PLCB1: variants seen among roughly 807,000 people sequenced by gnomAD.
PLCB1 encodes 1-phosphatidylinositol 4,5-bisphosphate phosphodiesterase beta-1.
PLCB1 carries 46 observed loss-of-function variants against 161.8 expected under a neutral mutation model. The observed-to-expected ratio is 0.28, with a 90% CI of 0.22 to 0.36. The LOEUF (loss-of-function observed/expected upper bound fraction) is 0.36. Ranked by LOEUF, PLCB1 falls within the 10% of genes least tolerant of loss-of-function variation. The pLI is 1.00. For synonymous variants in PLCB1, 517 were observed against 503.7 expected (o/e 1.03, Z -0.35); for missense variants, 1,016 against 1,472.5 (o/e 0.69, Z 5.07).
At chr20:8,747,492 T>C (rs1270731146) in intron 23 of PLCB1, among the ~76,000 whole-genome samples, 4 of 152,208 alleles carry the variant, frequency 2.6e-5, no homozygotes, top group African/African-American at 7.2e-5. Context: ...TCGTGTAATA[T>C]TGATGTTGAA....
intron 11 of PLCB1, among the ~76,000 whole-genome samples, chr20:8,705,668 G>A (rs527515581): frequency 6.6e-6 from 1 of 152,324 alleles, no homozygotes; most frequent in African/African-American, 2.4e-5. Flanking sequence ...ATGCTTTAAT[G>A]TGAGTATTTT....
intron 3 of PLCB1, among the ~76,000 whole-genome samples, chr20:8,417,364 C>A (rs1024094886): frequency 6.6e-6 from 1 of 151,246 alleles, no homozygotes; most frequent in Non-Finnish European, 1.5e-5. Context: ...CATACGCACC[C>A]ACATTTATAA....
intron 3 of PLCB1, among the ~76,000 whole-genome samples, chr20:8,407,930 T>C (rs1978858380): frequency 1.3e-5 from 2 of 151,818 alleles, no homozygotes; most frequent in African/African-American, 4.8e-5. Flanking sequence ...ACAGTCAAGG[T>C]TTTCAAAAAC....
At chr20:8,618,027 A>T (rs1362814458) in intron 3 of PLCB1, among the ~76,000 whole-genome samples, 2 of 152,212 alleles carry the variant, frequency 1.3e-5, no homozygotes, top group Admixed American at 1.3e-4. Context: ...AATGGGTGGC[A>T]TTATAATTCA....
At chr20:8,188,721 G>A (rs929177791) in intron 2 of PLCB1, among the ~76,000 whole-genome samples, 10 of 152,048 alleles carry the variant, frequency 6.6e-5, no homozygotes, top group Non-Finnish European at 1.3e-4. Context: ...GTATTGCGAC[G>A]TTTTCACTTT....
intron 3 of PLCB1, among the ~76,000 whole-genome samples, chr20:8,450,997 T>C (rs1055543106): frequency 1.3e-5 from 2 of 152,186 alleles, no homozygotes; most frequent in African/African-American, 4.8e-5. Context: ...TATGCACAAA[T>C]TGGCAAAATA....
At chr20:8,410,571 T>A (rs1411736385) in intron 3 of PLCB1, among the ~76,000 whole-genome samples, 1 of 152,180 alleles carries the variant, frequency 6.6e-6, no homozygotes, top group East Asian at 1.9e-4. Context: ...TAAGTCCTGA[T>A]GCATGAACCA....
intron 3 of PLCB1, among the ~76,000 whole-genome samples, chr20:8,574,395 T>G (rs1986611486): frequency 6.6e-6 from 1 of 152,176 alleles, no homozygotes; most frequent in Admixed American, 6.5e-5. Context: ...CGAGACTCCT[T>G]CTCAAAACAA....
chr20:8,767,212 T>A (rs1982364785), intron 26 of PLCB1, among the ~76,000 whole-genome samples: 1 of 152,200 alleles, frequency 6.6e-6, no homozygotes, highest in African/African-American at 2.4e-5. Context: ...CCTCGGGACC[T>A]GACCCTAGAG....
At chr20:8,479,777 C>G (rs1906074725) in intron 3 of PLCB1, among the ~76,000 whole-genome samples, 1 of 152,234 alleles carries the variant, frequency 6.6e-6, no homozygotes, top group Non-Finnish European at 1.5e-5. Flanking sequence ...GACTCCTTCT[C>G]TTGCATTTCT....
chr20:8,427,585 T>C (rs1979841462), intron 3 of PLCB1, among the ~76,000 whole-genome samples: 1 of 152,184 alleles, frequency 6.6e-6, no homozygotes, highest in Admixed American at 6.5e-5. Flanking sequence ...GTTTAATCAT[T>C]GCAAGTGCAG....
intron 31 of PLCB1, among the ~76,000 whole-genome samples, chr20:8,872,571 T>C (rs1475732028): frequency 6.6e-6 from 1 of 152,250 alleles, no homozygotes; most frequent in African/African-American, 2.4e-5. Flanking sequence ...CTGAATTTGC[T>C]ATGCCTCTGC....
chr20:8,760,900 A>C (rs1174364659), intron 25 of PLCB1, among the ~76,000 whole-genome samples: 1 of 152,238 alleles, frequency 6.6e-6, no homozygotes, highest in Non-Finnish European at 1.5e-5. Flanking sequence ...CACATAAACT[A>C]GTGGAACTAA....
intron 2 of PLCB1, among the ~76,000 whole-genome samples, chr20:8,262,100 T>C (rs1384957780): frequency 6.6e-6 from 1 of 152,066 alleles, no homozygotes; most frequent in Non-Finnish European, 1.5e-5. Context: ...TCTTGCTCTG[T>C]CAGAGTCTTG....
intron 1 of PLCB1, among the ~76,000 whole-genome samples, chr20:8,148,900 G>C (rs1330507458): frequency 6.6e-6 from 1 of 152,156 alleles, no homozygotes; most frequent in Non-Finnish European, 1.5e-5. Flanking sequence ...TAAGACTGGT[G>C]GTTGCCAGGT....
intron 3 of PLCB1, chr20:8,625,214 G>A (rs917950345): frequency 1.4e-4 from 21 of 152,064 alleles, no homozygotes; most frequent in Admixed American, 3.9e-4. Flanking sequence ...TACCTATAAA[G>A]TCCTCTAAAA....
At chr20:8,271,074 G>T (rs149087636) in intron 2 of PLCB1, among the ~76,000 whole-genome samples, 28 of 152,240 alleles carry the variant, frequency 1.8e-4, no homozygotes, top group African/African-American at 6.7e-4. Context: ...CCATGGCTGT[G>T]TGTTGATTTC....
intron 2 of PLCB1, among the ~76,000 whole-genome samples, chr20:8,332,351 A>G (rs1421245256): frequency 6.6e-6 from 1 of 152,226 alleles, no homozygotes; most frequent in Non-Finnish European, 1.5e-5. Flanking sequence ...TTCCTTGCAA[A>G]CAGGCTAAGG....
At chr20:8,381,870 T>A (rs1011039333) in intron 3 of PLCB1, among the ~76,000 whole-genome samples, 1 of 151,966 alleles carries the variant, frequency 6.6e-6, no homozygotes, top group Non-Finnish European at 1.5e-5. Context: ...GTCTATCTAT[T>A]TTGTTAATTT....
Sources: allele counts gnomAD v4.1 joint callset (sites outside exome capture counted in the v4.1 genomes callset), GRCh38; gene constraint gnomAD v4.1.1; transcripts MANE v1.5; gene names NCBI Gene and HGNC (gene_info 2026-07-23, HGNC 2026-07-21).